HEXB: variants seen among roughly 807,000 people sequenced by gnomAD.
HEXB encodes hexosaminidase subunit beta, also known as beta-hexosaminidase subunit beta.
Under a neutral mutation model 71.2 loss-of-function variants are expected in HEXB, and 51 were observed. The ratio of observed to expected loss-of-function variants is 0.72; its 90% CI spans 0.57 to 0.90. HEXB has a LOEUF of 0.90. Ranked by LOEUF, HEXB falls within the 40% of genes least tolerant of loss-of-function variation. The pLI, the probability that HEXB is intolerant of heterozygous loss-of-function variation, is 0.00. For missense variants in HEXB, 617 were observed against 677.0 expected, an observed-to-expected ratio of 0.91 and a Z score of 0.98; for synonymous variants, 266 against 249.3, an observed-to-expected ratio of 1.07 and a Z score of -0.63.
intron 1 of HEXB, among the ~76,000 whole-genome samples, chr5:74,677,037 C>T (rs1470300681): frequency 6.6e-6 from 1 of 151,950 alleles, no homozygotes; most frequent in Admixed American, 6.5e-5. Context: ...CAGGCGCCCG[C>T]CACCACACCC....
chr5:74,685,144 G>A (rs899362316), upstream of HEXB: 65 of 1,117,138 alleles, frequency 5.8e-5, 1 homozygote, highest in African/African-American at 9.3e-4. Context: ...GCGGGCGCGC[G>A]CAGTCATCTG....
At chr5:74,720,176 T>C (rs960397945) in intron 11 of HEXB, 17 of 522,298 alleles carry the variant, frequency 3.3e-5, no homozygotes, top group Non-Finnish European at 5.9e-5. Flanking sequence ...TACATTAATC[T>C]ATGGTGCTAA....
At chr5:74,673,679 G>A (rs1197623134) in intron 1 of HEXB, among the ~76,000 whole-genome samples, 1 of 152,346 alleles carries the variant, frequency 6.6e-6, no homozygotes, top group East Asian at 1.9e-4. Flanking sequence ...GAATTCAGAA[G>A]TGAGTTAGGT....
chr5:74,663,253 C>T (rs1159224418), intron 1 of HEXB, among the ~76,000 whole-genome samples: 3 of 151,902 alleles, frequency 2.0e-5, no homozygotes, highest in Non-Finnish European at 4.4e-5. Context: ...TGCAATGGTG[C>T]GATCTCGACT....
At chr5:74,672,370 T>C (rs1014566602) in intron 1 of HEXB, among the ~76,000 whole-genome samples, 9 of 152,268 alleles carry the variant, frequency 5.9e-5, no homozygotes, top group African/African-American at 2.2e-4. Flanking sequence ...CTTTGCACAC[T>C]GCACAGCTCT....
intron 6 of HEXB, among the ~76,000 whole-genome samples, chr5:74,709,660 C>A (rs1455678103): frequency 6.6e-6 from 1 of 152,140 alleles, no homozygotes; most frequent in East Asian, 1.9e-4. Flanking sequence ...ACTACAAACA[C>A]CTCTATGCAA....
In HEXB at chr5:74,650,143, A is replaced by G. The variant is rs140184701; in HGVS notation, c.-377+9585A>G. On this transcript the variant is annotated intron_variant, in intron 1 of 13. Coordinates refer to the HEXB transcript ENST00000511181. ...TTCAGCTGAAGTTTGAAGTCTTTAT[A>G]TAGGACAATGGTTTACAGATGCAAA... Among the ~76,000 whole-genome samples, 54 of 152,352 alleles carry G rather than the reference A, an allele frequency of 3.5e-4. No homozygotes were observed. In the East Asian group the frequency reaches 9.3e-3, roughly 26 times the overall value.
chr5:74,647,480 T>A (rs946612278), intron 1 of HEXB, among the ~76,000 whole-genome samples: 2 of 152,204 alleles, frequency 1.3e-5, no homozygotes, highest in Admixed American at 6.5e-5. Context: ...CAAGTTAACA[T>A]TAGCAGAATG....
At chr5:74,665,112 A>G (rs1748409664) in intron 1 of HEXB, among the ~76,000 whole-genome samples, 1 of 152,256 alleles carries the variant, frequency 6.6e-6, no homozygotes, top group Non-Finnish European at 1.5e-5. Flanking sequence ...TGAAAATTTA[A>G]AATGTCCCCA....
chr5:74,650,186 G>A (rs977401596), intron 1 of HEXB, among the ~76,000 whole-genome samples: 5 of 152,172 alleles, frequency 3.3e-5, no homozygotes, highest in Admixed American at 6.5e-5. Flanking sequence ...GTCAGTGAGC[G>A]GGCACGGAAC....
chr5:74,676,610 A>G (rs1748634554), intron 1 of HEXB, among the ~76,000 whole-genome samples: 2 of 152,140 alleles, frequency 1.3e-5, no homozygotes, highest in Admixed American at 6.5e-5. Context: ...TAGTAAAAAT[A>G]CAAAAATTAG....
At chr5:74,687,218 A>G (rs1207660200) in intron 1 of HEXB, among the ~76,000 whole-genome samples, 1 of 152,196 alleles carries the variant, frequency 6.6e-6, no homozygotes, top group Non-Finnish European at 1.5e-5. Context: ...CATTCTAGGA[A>G]CTCAGAAGGA....
chr5:74,683,524 G>A (rs569160109), upstream of HEXB, among the ~76,000 whole-genome samples: 12 of 152,112 alleles, frequency 7.9e-5, no homozygotes, highest in East Asian at 3.9e-4. Context: ...GGCTGGTCTC[G>A]AACTCCTGGC....
rs180838696 is a variant in HEXB at position 74,694,859 on chromosome 5, A to G, written c.511+1155A>G. ...GTGGCGCATGCCTGTAATCCCAACT[A>G]CTTGGGAGGGTGAGGCAGGAGAATT... On this transcript the variant is annotated intron_variant, in intron 3 of 13. Transcript: ENST00000261416. Among the ~76,000 whole-genome samples the G allele has an allele frequency of 5.9e-4, 89 of 151,536 alleles. 1 individual carries two copies. Among genetic ancestry groups the G allele is most frequent in the Non-Finnish European group, 1.2e-3 (80 of 67,960 alleles).
intron 3 of HEXB, among the ~76,000 whole-genome samples, chr5:74,695,818 G>A (rs1749100439): frequency 6.9e-6 from 1 of 145,772 alleles, no homozygotes; most frequent in Non-Finnish European, 1.5e-5. Context: ...TCCGTCCTGG[G>A]TGACAGAGCA....
intron 6 of HEXB, 76 bp from the exon 7 acceptor site, chr5:74,713,430 C>G: frequency 7.1e-7 from 1 of 1,415,898 alleles, no homozygotes; most frequent in Non-Finnish European, 1.0e-6. Flanking sequence ...ATATCAAATG[C>G]AAGCACAATT....
chr5:74,674,281 CAA>C (rs1580371476), intron 1 of HEXB, among the ~76,000 whole-genome samples: 1 of 151,996 alleles, frequency 6.6e-6, no homozygotes, highest in East Asian at 1.9e-4. Context: ...AAATCTATAA[CAA>C]GAGTCCAAGG....
intron 6 of HEXB, among the ~76,000 whole-genome samples, chr5:74,709,106 T>G (rs1749476870): frequency 6.6e-6 from 1 of 152,168 alleles, no homozygotes; most frequent in Non-Finnish European, 1.5e-5. Context: ...CAGACCACAG[T>G]GCAATCAAGC....
intron 5 of HEXB, among the ~76,000 whole-genome samples, chr5:74,702,329 C>T (rs550050426): frequency 3.3e-5 from 5 of 151,962 alleles, no homozygotes; most frequent in East Asian, 1.9e-4. Context: ...CCGCCCGCCT[C>T]GGCCTCCCAA....
Sources: allele counts gnomAD v4.1 joint callset (sites outside exome capture counted in the v4.1 genomes callset), GRCh38; gene constraint gnomAD v4.1.1; transcripts MANE v1.5; gene names NCBI Gene and HGNC (gene_info 2026-07-23, HGNC 2026-07-21).